The following SLIT2 variants were observed in gnomAD, a reference collection of about 807,000 sequenced individuals.
SLIT2 encodes slit homolog 2 protein.
SLIT2 carries 41 observed loss-of-function variants against 185.7 expected under a neutral mutation model. The observed-to-expected ratio is 0.22, with a 90% CI of 0.17 to 0.29. SLIT2 has a LOEUF of 0.29. Among genes scored for constraint, SLIT2 ranks in the 10% least tolerant of loss-of-function variants. SLIT2 has a pLI of 1.00. For missense variants in SLIT2, 1,571 were observed against 1,909.0 expected, an observed-to-expected ratio of 0.82 and a Z score of 3.30; for synonymous variants, 693 against 680.2, an observed-to-expected ratio of 1.02 and a Z score of -0.29.
intron 33 of SLIT2, among the ~76,000 whole-genome samples, 160 bp downstream of exon 33, chr4:20,598,555 A>T (rs1728159834): frequency 6.6e-6 from 1 of 152,130 alleles, no homozygotes; most frequent in Admixed American, 6.5e-5. Flanking sequence ...CAGAGGGCAT[A>T]CTCAAACTGG....
At chr4:20,258,054 A>AAGG in intron 3 of SLIT2, 115 bp downstream of exon 3, 2 of 573,424 alleles carry the variant, frequency 3.5e-6, no homozygotes, top group South Asian at 5.5e-5. Flanking sequence ...TTTGCAGAAA[A>AAGG]AGGAGGATGA....
intron 4 of SLIT2, among the ~76,000 whole-genome samples, chr4:20,278,583 C>G (rs184576504): frequency 6.6e-6 from 1 of 152,078 alleles, no homozygotes; most frequent in African/African-American, 2.4e-5. Flanking sequence ...ATTTTATCTT[C>G]TTTACGTAAG....
intron 5 of SLIT2, 108 bp from the exon 6 acceptor site, chr4:20,480,608 C>G: frequency 2.7e-6 from 2 of 740,838 alleles, no homozygotes; most frequent in Non-Finnish European, 4.7e-6. Flanking sequence ...TGTGAGGGCA[C>G]TTCAGTGAGT....
At position 20,256,757 on chromosome 4, in the gene SLIT2, C is replaced by A; in HGVS notation, c.251+14C>A. On this transcript the variant is annotated intron_variant, in intron 2 of 36. Coordinates refer to ENST00000504154, the MANE Select transcript of SLIT2 (RefSeq NM_004787.4). Reference sequence around the variant, plus strand: ...TCTAAGAGTTCTGTAAGTGCATCCTCTGTATTTTTAAATAATTTTTTAAGG... The same window carrying A: ...TCTAAGAGTTCTGTAAGTGCATCCTATGTATTTTTAAATAATTTTTTAAGG... 1 of 1,332,722 alleles carries A rather than the reference C, an allele frequency of 7.5e-7. No homozygotes were observed. The highest frequency in any genetic ancestry group is 1.5e-5 in the African/African-American group (1 of 67,534). 82.6% of individuals were successfully genotyped at this position (1,332,722 alleles called of 1,614,324 possible). A position where few individuals can be genotyped will look rare whatever the true frequency, so the allele number is the denominator to read the frequency against.
At chr4:20,529,757 A>G (rs1165748335) in intron 16 of SLIT2, among the ~76,000 whole-genome samples, 2 of 152,220 alleles carry the variant, frequency 1.3e-5, no homozygotes, top group Non-Finnish European at 1.5e-5. Context: ...GACTTTATTT[A>G]TAAGAAGAGG....
intron 11 of SLIT2, among the ~76,000 whole-genome samples, chr4:20,515,187 A>C (rs1017928712): frequency 6.6e-6 from 1 of 152,172 alleles, no homozygotes; most frequent in African/African-American, 2.4e-5. Flanking sequence ...CCTGGGTATT[A>C]GTTCTTCCAT....
intron 29 of SLIT2, chr4:20,573,183 T>C (rs1489880897): frequency 1.4e-6 from 1 of 702,790 alleles, no homozygotes; most frequent in Non-Finnish European, 2.6e-6. Context: ...GCTCTGCTGT[T>C]GTATTGCAAT....
At chr4:20,361,663 A>C (rs549342603) in intron 4 of SLIT2, among the ~76,000 whole-genome samples, 1 of 152,272 alleles carries the variant, frequency 6.6e-6, no homozygotes, top group East Asian at 1.9e-4. Context: ...TATTGTTATA[A>C]TGTATAACAT....
chr4:20,437,614 T>G (rs1010238704), intron 4 of SLIT2, among the ~76,000 whole-genome samples: 15 of 145,118 alleles, frequency 1.0e-4, no homozygotes, highest in African/African-American at 3.8e-4. Context: ...GACCTTATCT[T>G]ATAAAAACCC....
chr4:20,468,944 G>C (rs7667250), intron 5 of SLIT2, among the ~76,000 whole-genome samples: 106,680 of 151,456 alleles, frequency 0.7, 38,014 homozygotes, highest in Admixed American at 0.79. Context: ...GCCTCTATGT[G>C]TTCTCCTTAA....
chr4:20,443,566 A>G (rs1486146977), intron 4 of SLIT2, among the ~76,000 whole-genome samples: 4 of 132,320 alleles, frequency 3.0e-5, no homozygotes, highest in Non-Finnish European at 4.7e-5. Flanking sequence ...ACCAGCTATT[A>G]GCAGAGGAGA....
At chr4:20,395,749 C>G (rs1725839781) in intron 4 of SLIT2, among the ~76,000 whole-genome samples, 1 of 151,914 alleles carries the variant, frequency 6.6e-6, no homozygotes, top group Admixed American at 6.6e-5. Flanking sequence ...ATAGACCAAT[C>G]TTTAGCTGTT....
chr4:20,443,195 T>C lies in SLIT2; in HGVS notation c.396-24557T>C, dbSNP rs1336410760. Reference sequence around the variant, plus strand: ...GATTAGAAAGTCTTTTATTAAAAGATGAAGTGTGGGGTATGGCACAAAGGA... The same window carrying C: ...GATTAGAAAGTCTTTTATTAAAAGACGAAGTGTGGGGTATGGCACAAAGGA... On this transcript the variant is annotated intron_variant, in intron 4 of 36. Coordinates refer to ENST00000504154, the MANE Select transcript of SLIT2 (RefSeq NM_004787.4). Among the ~76,000 whole-genome samples, 10 of 152,158 alleles carry C rather than the reference T, an allele frequency of 6.6e-5. 1 individual carries two copies. Among genetic ancestry groups the C allele is most frequent in the Admixed American group, 5.2e-4 (8 of 15,256 alleles).
chr4:20,597,755 T>G (rs990229729), intron 32 of SLIT2, among the ~76,000 whole-genome samples: 2 of 152,308 alleles, frequency 1.3e-5, no homozygotes, highest in East Asian at 3.9e-4. Flanking sequence ...CAAATTGTTA[T>G]GAGAACCACA....
At chr4:20,604,180 G>T (rs1258193112) in intron 33 of SLIT2, among the ~76,000 whole-genome samples, 1 of 152,124 alleles carries the variant, frequency 6.6e-6, no homozygotes, top group African/African-American at 2.4e-5. Context: ...ATACCCAAGT[G>T]GGAATTTTAT....
intron 4 of SLIT2, among the ~76,000 whole-genome samples, chr4:20,332,979 T>C (rs1720195705): frequency 6.6e-6 from 1 of 152,164 alleles, no homozygotes; most frequent in African/African-American, 2.4e-5. Context: ...CATAATATTT[T>C]CTGCAGAAAT....
intron 4 of SLIT2, among the ~76,000 whole-genome samples, chr4:20,354,323 C>T (rs1722128993): frequency 1.3e-5 from 2 of 151,680 alleles, no homozygotes; most frequent in Non-Finnish European, 2.9e-5. Context: ...CAGTGGAGCC[C>T]AGCAGGGAAG....
At chr4:20,616,054 T>C (rs893697517) in intron 34 of SLIT2, 2 of 152,246 alleles carry the variant, frequency 1.3e-5, no homozygotes, top group East Asian at 3.9e-4. Context: ...GTGGAATGTA[T>C]ATATACAAAG....
rs186890049 is a variant in SLIT2, at chr4:20,388,857, A to G, written c.396-78895A>G. 6.6e-4 allele frequency among the ~76,000 whole-genome samples: 94 copies of G among 143,192 alleles called. 1 individual carries two copies. The East Asian group carries it at 0.018, about 28-fold the overall frequency. 93.9% of individuals were successfully genotyped at this position (143,192 alleles called of 152,430 possible). A position where few individuals can be genotyped will look rare whatever the true frequency, so the allele number is the denominator to read the frequency against. ...ATAATATATATAAAATATGTATTAT[A>G]TATAAAATATAATATATAATATATA... On this transcript the variant is annotated intron_variant, in intron 4 of 36. Transcript: ENST00000504154.
Sources: gnomAD v4.1 joint callset for allele counts (sites outside exome capture counted in the v4.1 genomes callset) on GRCh38, gnomAD v4.1.1 for gene constraint, MANE v1.5 for transcripts, NCBI Gene and HGNC (gene_info 2026-07-23, HGNC 2026-07-21) for gene names.